Variants in ATP10B observed in about 807,000 individuals in gnomAD.
The protein encoded by ATP10B is ATPase phospholipid transporting 10B (putative).
ATP10B carries 122 observed loss-of-function variants against 141.2 expected under a neutral mutation model. The observed-to-expected ratio is 0.86, with a 90% CI of 0.75 to 1.00. The LOEUF is 1.00. Among genes scored for constraint, ATP10B ranks in the 50% least tolerant of loss-of-function variants. ATP10B has a pLI of 0.00. For synonymous variants in ATP10B, 685 were observed against 692.0 expected, an observed-to-expected ratio of 0.99 and a Z score of 0.16; for missense variants, 1,876 against 1,825.3, an observed-to-expected ratio of 1.03 and a Z score of -0.51.
At position 160,653,646 on chromosome 5, in the gene ATP10B, ATTATATATACATATATACATATATATT is replaced by A. The variant is rs1761159784; in HGVS notation, c.676-4417_676-4391del. ...ATTATATATACATATATACATATATATTATATATACATATATACATATATATTATATATACATATATACATATATACA... is the reference window on the plus strand; with the variant it reads ...ATTATATATACATATATACATATATAATATATACATATATACATATATACA... On this transcript the variant is annotated intron_variant, in intron 7 of 25. Transcript: ENST00000327245. 1.2e-4 allele frequency among the ~76,000 whole-genome samples: 6 copies of A among 50,976 alleles called. 1 individual carries two copies. In the South Asian group the frequency reaches 2.7e-3, roughly 23 times the overall value. 33.4% of individuals were successfully genotyped at this position (50,976 alleles called of 152,430 possible). A position where few individuals can be genotyped will look rare whatever the true frequency, so the allele number is the denominator to read the frequency against.
At chr5:160,581,772 G>A (rs1278533079) in intron 24 of ATP10B, among the ~76,000 whole-genome samples, 1 of 152,144 alleles carries the variant, frequency 6.6e-6, no homozygotes, top group Non-Finnish European at 1.5e-5. Flanking sequence ...CATTATTATT[G>A]TATGGGAGTC....
intron 2 of ATP10B, among the ~76,000 whole-genome samples, chr5:160,728,217 T>C (rs1035556684): frequency 6.6e-6 from 1 of 152,188 alleles, no homozygotes; most frequent in African/African-American, 2.4e-5. Context: ...TCTCTTCTTC[T>C]TGGATGCCTG....
upstream of ATP10B, among the ~76,000 whole-genome samples, chr5:160,856,902 C>T (rs1754013136): frequency 1.3e-5 from 2 of 151,720 alleles, no homozygotes; most frequent in Admixed American, 1.3e-4. Context: ...CCTAGCTTTG[C>T]ATACCTGAAA....
chr5:160,670,856 C>T (rs532489048), intron 6 of ATP10B, among the ~76,000 whole-genome samples, 189 bp from the exon 7 acceptor site: 1 of 152,186 alleles, frequency 6.6e-6, no homozygotes, highest in South Asian at 2.1e-4. Context: ...GCATAATCTA[C>T]AGAATCTCAT....
chr5:160,821,699 A>T (rs947757836), intron 1 of ATP10B, among the ~76,000 whole-genome samples: 4 of 152,068 alleles, frequency 2.6e-5, no homozygotes, highest in Admixed American at 6.6e-5. Context: ...CCAGAGTTAA[A>T]TCCGTACATC....
At chr5:160,752,173 CTTTTTTTT>C (rs561913092) in intron 2 of ATP10B, among the ~76,000 whole-genome samples, 1 of 123,300 alleles carries the variant, frequency 8.1e-6, no homozygotes, top group Non-Finnish European at 1.7e-5. Context: ...AGTCCCCCTA[CTTTTTTTT>C]TTTTTTTTTT....
At chr5:160,814,233 CA>C (rs550917879) in intron 1 of ATP10B, among the ~76,000 whole-genome samples, 1,641 of 148,522 alleles carry the variant, frequency 0.011, 18 homozygotes, top group South Asian at 0.031. Flanking sequence ...TAAAAACCTT[CA>C]AAAAAAAAAT....
At chr5:160,880,663 T>C in the ATP10B span, among the ~76,000 whole-genome samples, 1 of 152,270 alleles carries the variant, frequency 6.6e-6, no homozygotes, top group African/African-American at 2.4e-5. Flanking sequence ...AGCTGATCTT[T>C]GACAAATGAG....
At chr5:160,709,186 A>T (rs1765204620) in intron 3 of ATP10B, among the ~76,000 whole-genome samples, 1 of 152,216 alleles carries the variant, frequency 6.6e-6, no homozygotes, top group South Asian at 2.1e-4. Flanking sequence ...ACAAGAGCAT[A>T]TCCTTATGGT....
intron 21 of ATP10B, among the ~76,000 whole-genome samples, chr5:160,600,571 C>G (rs1407572140): frequency 6.6e-6 from 1 of 152,186 alleles, no homozygotes; most frequent in African/African-American, 2.4e-5. Context: ...TTATTTGAAT[C>G]AATGTAGTTA....
chr5:160,662,826 C>T (rs907656193), intron 7 of ATP10B, among the ~76,000 whole-genome samples: 1 of 152,192 alleles, frequency 6.6e-6, no homozygotes, highest in East Asian at 1.9e-4. Flanking sequence ...AGCTTCTGCA[C>T]AGCAAAAGAA....
intron 24 of ATP10B, among the ~76,000 whole-genome samples, chr5:160,577,362 G>C (rs562583333): frequency 7.2e-5 from 11 of 152,034 alleles, no homozygotes; most frequent in African/African-American, 2.7e-4. Flanking sequence ...GGAAAAGGTG[G>C]GACAAAAGGC....
chr5:160,618,095 C>T (rs1011383366), intron 15 of ATP10B, 122 bp from the exon 16 acceptor site: 2 of 796,460 alleles, frequency 2.5e-6, no homozygotes, highest in Non-Finnish European at 4.2e-6. Flanking sequence ...CCCTTACAGC[C>T]CACCTTAGAA....
At chr5:160,789,813 A>G (rs1483277517) in intron 1 of ATP10B, among the ~76,000 whole-genome samples, 1 of 152,166 alleles carries the variant, frequency 6.6e-6, no homozygotes, top group African/African-American at 2.4e-5. Context: ...CTTCTAGGCA[A>G]TATAGCCCAG....
the ATP10B span, among the ~76,000 whole-genome samples, chr5:160,919,278 G>T: frequency 2.8e-5 from 4 of 141,998 alleles, no homozygotes; most frequent in Middle Eastern, 3.8e-3. Flanking sequence ...GGAAACCCTT[G>T]CATGGCATCC....
intron 7 of ATP10B, among the ~76,000 whole-genome samples, chr5:160,662,842 C>G: frequency 6.6e-6 from 1 of 152,142 alleles, no homozygotes. Context: ...AAGAAGCTAC[C>G]ATCAGAGTGA....
intron 2 of ATP10B, among the ~76,000 whole-genome samples, chr5:160,735,734 C>T (rs1767071249): frequency 6.6e-6 from 1 of 151,690 alleles, no homozygotes; most frequent in South Asian, 2.1e-4. Context: ...AAGGATAGAC[C>T]ATATGTTAGG....
intron 2 of ATP10B, among the ~76,000 whole-genome samples, chr5:160,773,329 A>C (rs1770045114): frequency 6.6e-6 from 1 of 152,240 alleles, no homozygotes; most frequent in Non-Finnish European, 1.5e-5. Context: ...AGGGAGGTAC[A>C]TGATGCCGAG....
At chr5:160,794,388 G>A (rs1375845261) in intron 1 of ATP10B, among the ~76,000 whole-genome samples, 1 of 152,162 alleles carries the variant, frequency 6.6e-6, no homozygotes, top group Non-Finnish European at 1.5e-5. Flanking sequence ...GGCAATCCAG[G>A]TCCGGCTTTT....
Sources: allele counts gnomAD v4.1 joint callset (sites outside exome capture counted in the v4.1 genomes callset), GRCh38; gene constraint gnomAD v4.1.1; transcripts MANE v1.5; gene names NCBI Gene and HGNC (gene_info 2026-07-23, HGNC 2026-07-21).